The following SH3GLB2 variants were observed in gnomAD, a reference collection of about 807,000 sequenced individuals.
The protein encoded by SH3GLB2 is endophilin-B2.
A neutral mutation model predicts 48.0 loss-of-function variants in SH3GLB2; 24 were observed. That is an observed-to-expected ratio of 0.50 (90% CI 0.36 to 0.70). SH3GLB2 has a LOEUF of 0.70. Ranked by LOEUF, SH3GLB2 falls within the 30% of genes least tolerant of loss-of-function variation. The pLI, the probability that SH3GLB2 is intolerant of heterozygous loss-of-function variation, is 0.00. For synonymous variants in SH3GLB2, 227 were observed against 207.6 expected, an observed-to-expected ratio of 1.09 and a Z score of -0.80; for missense variants, 425 against 516.0, an observed-to-expected ratio of 0.82 and a Z score of 1.71.
chr9:129,008,617 T>G lies in SH3GLB2; in HGVS notation c.*67A>C. 8.2e-7 allele frequency: 1 copy of G among 1,226,878 alleles called. No individual in the cohort carries two copies. Among genetic ancestry groups the G allele is most frequent in the South Asian group, 1.2e-5 (1 of 80,470 alleles). 76.0% of individuals were successfully genotyped at this position (1,226,878 alleles called of 1,614,324 possible). A position where few individuals can be genotyped will look rare whatever the true frequency, so the allele number is the denominator to read the frequency against. On this transcript the variant is annotated 3_prime_UTR_variant, in exon 11 of 11. Transcript: ENST00000372564. The stretch of plus-strand genomic sequence containing the variant: ...ACAACTGTGTCACCAACAAACAAGT[T>G]AAGTGGCAGGGCTGCGCCCATCCTC...
intron 6 of SH3GLB2, 52 bp downstream of exon 6, chr9:129,012,184 G>C: frequency 8.9e-7 from 1 of 1,120,416 alleles, no homozygotes; most frequent in African/African-American, 1.6e-5. Flanking sequence ...AGTGGTGTGG[G>C]ACGTGGGGAG....
chr9:129,020,810 C>T (rs990694006), intron 3 of SH3GLB2, among the ~76,000 whole-genome samples: 1 of 151,778 alleles, frequency 6.6e-6, no homozygotes, highest in African/African-American at 2.4e-5. Context: ...GTGGAGCTTG[C>T]AGTGAGCCGA....
chr9:129,021,160 TG>T lies in SH3GLB2; in HGVS notation c.264del (p.Thr89ProfsTer27). On this transcript the variant is annotated frameshift_variant, in exon 3 of 11. Coordinates refer to ENST00000372564, the MANE Select transcript of SH3GLB2 (RefSeq NM_020145.4). LOFTEE classifies it high-confidence loss of function. The part of the protein sequence containing the change: ...EKLDRKVPSR[V>X]TNGELLAQYM... Reference sequence around the variant, plus strand: ...TACTGAGCCAGCAGCTCCCCGTTGGTGACCCTTGAGGGGACCTTCCTGTCCA... The same window carrying T: ...TACTGAGCCAGCAGCTCCCCGTTGGTACCCTTGAGGGGACCTTCCTGTCCA... 2 of 1,612,436 alleles carry T rather than the reference TG, an allele frequency of 1.2e-6. No individual in the cohort carries two copies. Among genetic ancestry groups the T allele is most frequent in the Non-Finnish European group, 1.7e-6 (2 of 1,179,796 alleles).
At chr9:129,018,895 A>AT (rs1395164685) in intron 3 of SH3GLB2, among the ~76,000 whole-genome samples, 1 of 151,716 alleles carries the variant, frequency 6.6e-6, no homozygotes, top group Non-Finnish European at 1.5e-5. Context: ...CCATCTCAAA[A>AT]AAAAAAAAAA....
At position 129,014,110 on chromosome 9, in the gene SH3GLB2, T is replaced by C; in HGVS notation, c.561+301A>G. The C allele has an allele frequency of 1.6e-6, 1 of 614,630 alleles. No individual in the cohort carries two copies. Among genetic ancestry groups the C allele is most frequent in the African/African-American group, 1.8e-5 (1 of 55,546 alleles). The allele number at this position is 614,630 out of a possible 1,614,324, so 38.1% of individuals were successfully genotyped here. A position where few individuals can be genotyped will look rare whatever the true frequency, so the allele number is the denominator to read the frequency against. On this transcript the variant is annotated intron_variant, in intron 5 of 10. Transcript: ENST00000372564. This position sits in a 1 kb window ranked among gnomAD's most constrained non-coding sequence, Gnocchi z 4.1. ...AGAGCCGGGGACAGAGCCGAGCATC[T>C]AGGAGGGCAGGGCAGGGCATGCAGG...
At position 129,008,466 on chromosome 9, in the gene SH3GLB2, C is replaced by T. The variant is rs577606101; in HGVS notation, c.*218G>A. 86 of 515,058 alleles carry T rather than the reference C, an allele frequency of 1.7e-4. No individual in the cohort carries two copies. In the Admixed American group the frequency reaches 1.7e-3, roughly 10 times the overall value. The allele number at this position is 515,058 out of a possible 1,614,324, so 31.9% of individuals were successfully genotyped here. A position where few individuals can be genotyped will look rare whatever the true frequency, so the allele number is the denominator to read the frequency against. ...GGGTGCTCGGGGATGCAGGCAGGGGCAGGGGCTCCAGAGCCACAGGTCAGA... is the reference window on the plus strand; with the variant it reads ...GGGTGCTCGGGGATGCAGGCAGGGGTAGGGGCTCCAGAGCCACAGGTCAGA... On this transcript the variant is annotated 3_prime_UTR_variant, in exon 11 of 11. Transcript: ENST00000372564.
Position 129,014,958 on chromosome 9 carries a change from A to C in SH3GLB2, c.335-54T>G, listed in dbSNP as rs1267377321. 10 of 1,586,494 alleles carry C rather than the reference A, an allele frequency of 6.3e-6. No individual in the cohort carries two copies. The highest frequency in any genetic ancestry group is 1.7e-4 in the Middle Eastern group (1 of 5,880). On this transcript the variant is annotated intron_variant, in intron 3 of 10. Coordinates refer to ENST00000372564, the MANE Select transcript of SH3GLB2 (RefSeq NM_020145.4). The surrounding 1 kb of genome is among the most constrained non-coding windows in gnomAD (Gnocchi z 4.1). The stretch of plus-strand genomic sequence containing the variant: ...AGAAGGTCAGGCTCAGGCTACTCTG[A>C]TCTACAGGAGAGGGCTCAGGAAGAG...
chr9:129,020,600 G>C (rs1042833182), intron 3 of SH3GLB2, among the ~76,000 whole-genome samples: 1 of 151,822 alleles, frequency 6.6e-6, no homozygotes, highest in African/African-American at 2.4e-5. Flanking sequence ...GGGCGCGGTG[G>C]CTCACGCCTG....
chr9:129,010,033 C>G, intron 8 of SH3GLB2, 87 bp downstream of exon 8: 2 of 1,459,642 alleles, frequency 1.4e-6, no homozygotes, highest in Non-Finnish European at 1.9e-6. Flanking sequence ...GAGGGCCATT[C>G]TGGGGCAGCC....
In SH3GLB2 at chr9:129,014,784, C is replaced by T. The variant is rs749601146; in HGVS notation, c.455G>A (p.Trp152Ter). ...CAGGGCCCTCACCGAGATGGTCTTC[C>T]AGTCCCCCTCCAGGAAGTTGCGCAA... is the stretch of plus-strand genomic sequence containing the variant. ...TPLRNFLEGDWKTISKERRLL... is the reference protein window; with the variant it reads ...TPLRNFLEGD Residue 152 changes from tryptophan (W) to a stop codon, truncating the protein, a stop_gained, in exon 4 of 11, where the codon TGG (tryptophan) becomes TAG (stop). Coordinates refer to ENST00000372564, the MANE Select transcript of SH3GLB2 (RefSeq NM_020145.4). LOFTEE classifies it high-confidence loss of function. This position sits in a 1 kb window ranked among gnomAD's most constrained non-coding sequence, Gnocchi z 4.1. The T allele has an allele frequency of 3.1e-6, 5 of 1,613,356 alleles. No homozygotes were observed. The highest frequency in any genetic ancestry group is 4.2e-6 in the Non-Finnish European group (5 of 1,179,818).
intron 2 of SH3GLB2, among the ~76,000 whole-genome samples, chr9:129,021,906 C>T (rs947188470): frequency 1.3e-5 from 2 of 150,280 alleles, no homozygotes; most frequent in Admixed American, 6.6e-5. Flanking sequence ...TTGCAGTGAG[C>T]CAAGATTGCA....
chr9:129,007,555 A>C lies in SH3GLB2; in HGVS notation c.*1129T>G, dbSNP rs1377725770. The C allele has an allele frequency of 6.6e-6, 1 of 152,228 alleles. No homozygotes were observed. The highest frequency in any genetic ancestry group is 1.5e-5 in the Non-Finnish European group (1 of 68,066). The allele number at this position is 152,228 out of a possible 1,614,324, so 9.4% of individuals were successfully genotyped here. A position where few individuals can be genotyped will look rare whatever the true frequency, so the allele number is the denominator to read the frequency against. On this transcript the variant is annotated 3_prime_UTR_variant, in exon 11 of 11. Transcript: ENST00000372564. ...GACATCACTTAGGGTTTCTAGAATC[A>C]GGCTGCCTGGGCTTCAGTCCCTGCT...
At chr9:129,013,595 C>A in intron 5 of SH3GLB2, 1 of 172,750 alleles carries the variant, frequency 5.8e-6, no homozygotes, top group Non-Finnish European at 1.2e-5. Flanking sequence ...GCTCTGGGGC[C>A]ACACTATGGG....
Position 129,010,110 on chromosome 9 carries a change from T to G in SH3GLB2, c.738+10A>C, listed in dbSNP as rs3750340. On this transcript the variant is annotated intron_variant, in intron 8 of 10. Transcript: ENST00000372564. ...GGTTAGGTTTAGTGAGGGTGGGCAG[T>G]GGGACTCACGTGAGTGCTACTGATT... The G allele has an allele frequency of 0.84, 1,349,934 of 1,611,072 alleles. 567,597 individuals carry two copies. Among genetic ancestry groups the G allele is most frequent in the African/African-American group, 0.97 (72,662 of 74,956 alleles).
At position 129,009,091 on chromosome 9, in the gene SH3GLB2, C is replaced by A; in HGVS notation, c.1080+15G>T. On this transcript the variant is annotated intron_variant, in intron 10 of 10. Transcript: ENST00000372564. The stretch of plus-strand genomic sequence containing the variant: ...CCCAGCCCATTCCTGCCCCACCTTG[C>A]GGCACCGGGCCCACCTCATCAGCCA... 6.2e-7 allele frequency: 1 copy of A among 1,605,484 alleles called. No homozygotes were observed. The highest frequency in any genetic ancestry group is 1.1e-5 in the South Asian group (1 of 91,014).
At chr9:129,015,056 C>T in intron 3 of SH3GLB2, 152 bp from the exon 4 acceptor site, 1 of 913,532 alleles carries the variant, frequency 1.1e-6, no homozygotes, top group Non-Finnish European at 1.6e-6. Flanking sequence ...GCAACCTACA[C>T]TACACCATCA....
intron 5 of SH3GLB2, chr9:129,013,692 T>G (rs1302624307): frequency 5.4e-6 from 1 of 184,350 alleles, no homozygotes; most frequent in Non-Finnish European, 1.1e-5. Context: ...CAGGTAGCCA[T>G]CTCCCTAGTA....
At chr9:129,022,563 G>T in intron 1 of SH3GLB2, 140 bp from the exon 2 acceptor site, 1 of 669,470 alleles carries the variant, frequency 1.5e-6, no homozygotes, top group Non-Finnish European at 2.5e-6. Flanking sequence ...AGCCCTGAGT[G>T]TGATACTGTG....
chr9:129,021,729 C>T (rs1366211584), intron 2 of SH3GLB2, among the ~76,000 whole-genome samples: 1 of 151,698 alleles, frequency 6.6e-6, no homozygotes, highest in African/African-American at 2.4e-5. Context: ...GAGGCCAAGG[C>T]GGGTGGATCA....
Sources: gnomAD v4.1 joint callset for allele counts (sites outside exome capture counted in the v4.1 genomes callset) on GRCh38, gnomAD v4.1.1 for gene constraint, Gnocchi (gnomAD v3.1) non-coding constraint, MANE v1.5 for transcripts, NCBI Gene and HGNC (gene_info 2026-07-23, HGNC 2026-07-21) for gene names.